Variants in BNC2 observed in about 807,000 individuals in gnomAD.
BNC2 encodes zinc finger protein basonuclin-2.
BNC2 carries 20 observed loss-of-function variants against 76.3 expected under a neutral mutation model. The observed-to-expected ratio is 0.26, with a 90% CI of 0.18 to 0.38. The LOEUF is 0.38. Ranked by LOEUF, BNC2 falls within the 10% of genes least tolerant of loss-of-function variation. The probability of loss-of-function intolerance (pLI) is 1.00; values close to 1 mark genes in which losing one functional copy is unlikely to be tolerated. For missense variants in BNC2, 1,382 were observed against 1,399.8 expected (o/e 0.99, Z 0.20); for synonymous variants, 582 against 514.8 (o/e 1.13, Z -1.77).
At chr9:16,524,772 T>A (rs919530954) in intron 5 of BNC2, among the ~76,000 whole-genome samples, 1 of 152,240 alleles carries the variant, frequency 6.6e-6, no homozygotes, top group African/African-American at 2.4e-5. Flanking sequence ...AAAAATTTTA[T>A]TCAGTAAGAC....
intron 4 of BNC2, among the ~76,000 whole-genome samples, chr9:16,563,682 C>T (rs1055901744): frequency 1.3e-5 from 2 of 152,150 alleles, no homozygotes; most frequent in Non-Finnish European, 2.9e-5. Context: ...CCCATGTATT[C>T]ATGTGAACAG....
At chr9:16,658,941 A>G (rs532048606) in intron 3 of BNC2, among the ~76,000 whole-genome samples, 1 of 152,312 alleles carries the variant, frequency 6.6e-6, no homozygotes, top group African/African-American at 2.4e-5. Flanking sequence ...ATCAACTAGG[A>G]TCAGAAAAAT....
intron 3 of BNC2, among the ~76,000 whole-genome samples, chr9:16,654,041 C>T (rs1229871552): frequency 6.6e-6 from 1 of 152,162 alleles, no homozygotes. Context: ...ATCACACCTA[C>T]AAGCGCAGTC....
chr9:16,775,497 G>C (rs1825941454), intron 1 of BNC2: 1 of 152,310 alleles, frequency 6.6e-6, no homozygotes, highest in Admixed American at 6.5e-5. Flanking sequence ...GGTCAAATGT[G>C]TGAGGTAACC....
chr9:16,550,320 T>C (rs1319490928), intron 5 of BNC2, among the ~76,000 whole-genome samples: 1 of 152,190 alleles, frequency 6.6e-6, no homozygotes, highest in Non-Finnish European at 1.5e-5. Flanking sequence ...CCCAAAACAA[T>C]TCTTCTTCCA....
At chr9:16,492,382 T>C (rs1186214040) in intron 5 of BNC2, among the ~76,000 whole-genome samples, 1 of 152,208 alleles carries the variant, frequency 6.6e-6, no homozygotes, top group East Asian at 1.9e-4. Context: ...CCTTGGCTAA[T>C]CTCAAAATGC....
chr9:16,434,698 A>G (rs1198459388), intron 6 of BNC2, among the ~76,000 whole-genome samples: 1 of 152,206 alleles, frequency 6.6e-6, no homozygotes, highest in Admixed American at 6.5e-5. Context: ...TTGTAGGTTT[A>G]GGACCATCTG....
chr9:16,599,414 A>G (rs995515816), intron 3 of BNC2, among the ~76,000 whole-genome samples: 12 of 152,382 alleles, frequency 7.9e-5, no homozygotes, highest in Non-Finnish European at 1.8e-4. Flanking sequence ...AAAACGTGTC[A>G]TAACAAAACA....
intron 5 of BNC2, among the ~76,000 whole-genome samples, chr9:16,506,811 G>T (rs1822639353): frequency 6.6e-6 from 1 of 151,708 alleles, no homozygotes; most frequent in Non-Finnish European, 1.5e-5. Flanking sequence ...GAGTGCAGTG[G>T]TGCAATCTGG....
chr9:16,610,535 T>C (rs1587232732), intron 3 of BNC2, among the ~76,000 whole-genome samples: 2 of 152,122 alleles, frequency 1.3e-5, no homozygotes, highest in Admixed American at 6.6e-5. Flanking sequence ...CAGAGATAGG[T>C]AGTCTCTGAT....
chr9:16,410,615 G>A lies in BNC2; in HGVS notation c.*8374C>T, dbSNP rs1179723164. 1 of 152,576 alleles carries A rather than the reference G, an allele frequency of 6.6e-6. No homozygotes were observed. The highest frequency in any genetic ancestry group is 6.5e-5 in the Admixed American group (1 of 15,284). 9.5% of individuals were successfully genotyped at this position (152,576 alleles called of 1,614,324 possible). ...AGAACATCTCATTCACTTAATTCACGTTATGCAAACCCTGGACAGGGTAGA... is the reference window on the plus strand; with the variant it reads ...AGAACATCTCATTCACTTAATTCACATTATGCAAACCCTGGACAGGGTAGA... On this transcript the variant is annotated 3_prime_UTR_variant, in exon 7 of 7. Transcript: ENST00000380672.
chr9:16,748,571 CAG>C (rs1825079063), intron 1 of BNC2, among the ~76,000 whole-genome samples: 1 of 151,028 alleles, frequency 6.6e-6, no homozygotes, highest in Non-Finnish European at 1.5e-5. Context: ...TGCCCGGGTG[CAG>C]TGGCTCATGC....
At chr9:16,559,882 C>T (rs564506748) in intron 4 of BNC2, among the ~76,000 whole-genome samples, 1 of 152,306 alleles carries the variant, frequency 6.6e-6, no homozygotes, top group Non-Finnish European at 1.5e-5. Context: ...TGGCCTCCAC[C>T]TTCAAAAGCA....
intron 5 of BNC2, among the ~76,000 whole-genome samples, chr9:16,482,290 T>C (rs1822072894): frequency 6.6e-6 from 1 of 152,158 alleles, no homozygotes; most frequent in Admixed American, 6.5e-5. Context: ...GACTAAATAG[T>C]ACTACAGCAG....
chr9:16,428,847 T>C (rs577756934), intron 6 of BNC2, among the ~76,000 whole-genome samples: 1 of 152,340 alleles, frequency 6.6e-6, no homozygotes, highest in Non-Finnish European at 1.5e-5. Context: ...TTACAACTCC[T>C]GTTTTAATTC....
chr9:16,688,077 A>G (rs990011100), intron 3 of BNC2, among the ~76,000 whole-genome samples: 1 of 152,156 alleles, frequency 6.6e-6, no homozygotes, highest in African/African-American at 2.4e-5. Flanking sequence ...CCCATATTCT[A>G]AAAAATGAGG....
chr9:16,561,219 C>T (rs1301192557), intron 4 of BNC2, among the ~76,000 whole-genome samples: 1 of 147,552 alleles, frequency 6.8e-6, no homozygotes, highest in Non-Finnish European at 1.5e-5. Flanking sequence ...GCCTGGGCAA[C>T]AAGAGTGAAA....
At chr9:16,780,424 T>G (rs1826119515) in intron 1 of BNC2, among the ~76,000 whole-genome samples, 1 of 150,736 alleles carries the variant, frequency 6.6e-6, no homozygotes, top group South Asian at 2.1e-4. Flanking sequence ...ATACAAAAAT[T>G]ATCTGGGCGT....
At chr9:16,737,238 CTTTTT>C (rs559930240) in intron 2 of BNC2, among the ~76,000 whole-genome samples, 8 of 91,302 alleles carry the variant, frequency 8.8e-5, no homozygotes, top group Non-Finnish European at 1.2e-4. Context: ...CACACCTGGC[CTTTTT>C]TTTTTTTTTT....
Sources: gnomAD v4.1 joint callset for allele counts (sites outside exome capture counted in the v4.1 genomes callset) on GRCh38, gnomAD v4.1.1 for gene constraint, MANE v1.5 for transcripts, NCBI Gene and HGNC (gene_info 2026-07-23, HGNC 2026-07-21) for gene names.